The following ZNF804B variants were observed in gnomAD, a reference collection of about 807,000 sequenced individuals.
ZNF804B encodes the protein zinc finger 804B.
Under a neutral mutation model 101.4 loss-of-function variants are expected in ZNF804B, and 80 were observed. The observed-to-expected ratio is 0.79, with a 90% confidence interval of 0.66 to 0.95. The LOEUF (loss-of-function observed/expected upper bound fraction) is 0.95, where lower values mean the gene tolerates loss of function less well. Among genes scored for constraint, ZNF804B ranks in the 40% least tolerant of loss-of-function variants. The probability of loss-of-function intolerance (pLI) is 0.00; values close to 1 mark genes in which losing one functional copy is unlikely to be tolerated. For synonymous variants in ZNF804B, 622 were observed against 558.8 expected (o/e 1.11, Z -1.59); for missense variants, 1,673 against 1,561.9 (o/e 1.07, Z -1.20).
At chr7:89,002,902 T>C (rs1788309822) in intron 1 of ZNF804B, among the ~76,000 whole-genome samples, 1 of 151,994 alleles carries the variant, frequency 6.6e-6, no homozygotes, top group Non-Finnish European at 1.5e-5. Context: ...TTTGAGTCTA[T>C]TGTGATAGAG....
At chr7:88,996,488 G>C (rs1383501160) in intron 1 of ZNF804B, among the ~76,000 whole-genome samples, 2 of 151,954 alleles carry the variant, frequency 1.3e-5, no homozygotes, top group African/African-American at 4.8e-5. Context: ...ACAGATTTAT[G>C]GTTGTCTATC....
chr7:88,810,980 G>T (rs1317973756), intron 1 of ZNF804B, among the ~76,000 whole-genome samples: 1 of 151,646 alleles, frequency 6.6e-6, no homozygotes, highest in Non-Finnish European at 1.5e-5. Context: ...TTATGCCCAG[G>T]AGTTGCTTCT....
chr7:89,259,349 A>G (rs909718512), intron 2 of ZNF804B, among the ~76,000 whole-genome samples: 3 of 152,160 alleles, frequency 2.0e-5, no homozygotes, highest in African/African-American at 4.8e-5. Context: ...CACATCCACA[A>G]TCTCTTTTAT....
chr7:89,203,427 G>A (rs28483005), intron 1 of ZNF804B, among the ~76,000 whole-genome samples: 1,823 of 152,122 alleles, frequency 0.012, 39 homozygotes, highest in African/African-American at 0.039. Flanking sequence ...AGTTTATAGC[G>A]GCTCTTTTGG....
At chr7:88,931,511 C>T (rs1219911537) in intron 1 of ZNF804B, among the ~76,000 whole-genome samples, 3 of 151,860 alleles carry the variant, frequency 2.0e-5, no homozygotes, top group Admixed American at 2.0e-4. Context: ...TCTTTAAATA[C>T]TACATTAGTT....
At chr7:89,198,764 A>T (rs1051889473) in intron 1 of ZNF804B, among the ~76,000 whole-genome samples, 1 of 151,896 alleles carries the variant, frequency 6.6e-6, no homozygotes, top group Non-Finnish European at 1.5e-5. Flanking sequence ...AAGTACAGAA[A>T]AACAAAAAAC....
chr7:89,157,586 C>G (rs1278222315), intron 1 of ZNF804B, among the ~76,000 whole-genome samples: 1 of 152,124 alleles, frequency 6.6e-6, no homozygotes, highest in Non-Finnish European at 1.5e-5. Flanking sequence ...TCATTAAACA[C>G]AGTGGACTAA....
At chr7:89,180,934 CAAGT>C (rs1414825475) in intron 1 of ZNF804B, among the ~76,000 whole-genome samples, 4 of 150,498 alleles carry the variant, frequency 2.7e-5, no homozygotes, top group Non-Finnish European at 4.4e-5. Context: ...CAGGTTCTGA[CAAGT>C]GAGATGGGGA....
chr7:88,853,886 C>T (rs1413406029), intron 1 of ZNF804B, among the ~76,000 whole-genome samples: 13 of 151,978 alleles, frequency 8.6e-5, no homozygotes, highest in Admixed American at 8.5e-4. Flanking sequence ...TGCATAAGGA[C>T]TTAATAAATG....
At chr7:88,851,782 C>G (rs989779176) in intron 1 of ZNF804B, among the ~76,000 whole-genome samples, 1 of 151,850 alleles carries the variant, frequency 6.6e-6, no homozygotes, top group African/African-American at 2.4e-5. Flanking sequence ...AAAGCAACAG[C>G]AATAACAATG....
At chr7:89,112,465 T>A (rs1474780217) in intron 1 of ZNF804B, among the ~76,000 whole-genome samples, 1 of 152,212 alleles carries the variant, frequency 6.6e-6, no homozygotes, top group Non-Finnish European at 1.5e-5. Context: ...TCTATTTTGT[T>A]CAATTGATCT....
chr7:88,904,139 G>T (rs752460822), intron 1 of ZNF804B, among the ~76,000 whole-genome samples: 44 of 152,134 alleles, frequency 2.9e-4, no homozygotes, highest in Admixed American at 2.6e-4. Flanking sequence ...TGTGGTAAAA[G>T]ATAGGGCTCC....
At chr7:89,026,301 A>G (rs1297025996) in intron 1 of ZNF804B, among the ~76,000 whole-genome samples, 1 of 152,200 alleles carries the variant, frequency 6.6e-6, no homozygotes, top group African/African-American at 2.4e-5. Context: ...TTGCCCATGT[A>G]GGGGACAATA....
chr7:89,127,340 A>G (rs1478829181), intron 1 of ZNF804B, among the ~76,000 whole-genome samples: 4 of 151,818 alleles, frequency 2.6e-5, no homozygotes, highest in African/African-American at 9.7e-5. Flanking sequence ...TTCTTATAAC[A>G]TTGGAAGAGC....
chr7:88,947,825 A>G (rs1052897830), intron 1 of ZNF804B, among the ~76,000 whole-genome samples: 2 of 151,736 alleles, frequency 1.3e-5, no homozygotes, highest in African/African-American at 4.8e-5. Context: ...GGAGTACCCA[A>G]TCTACACTGT....
At chr7:88,956,123 T>G (rs1478940363) in intron 1 of ZNF804B, among the ~76,000 whole-genome samples, 1 of 151,576 alleles carries the variant, frequency 6.6e-6, no homozygotes, top group Non-Finnish European at 1.5e-5. Context: ...AGAACTCCTA[T>G]TCCCTGTTGG....
At position 89,160,530 on chromosome 7, in the gene ZNF804B, CT is replaced by C. The variant is rs762677091; in HGVS notation, c.109-57624del. Reference sequence around the variant, plus strand: ...TCACTAAACGAAATTAACATTTAAGCTGATTAGTAATCACTAAATAACACAG... The same window carrying C: ...TCACTAAACGAAATTAACATTTAAGCGATTAGTAATCACTAAATAACACAG... On this transcript the variant is annotated intron_variant, in intron 1 of 3. Coordinates refer to ENST00000333190, the MANE Select transcript of ZNF804B (RefSeq NM_181646.5). 6.4e-4 allele frequency among the ~76,000 whole-genome samples: 97 copies of C among 152,218 alleles called. No individual in the cohort carries two copies. The Middle Eastern group carries it at 0.01, about 16-fold the overall frequency.
At chr7:89,221,739 C>G (rs1789007617) in intron 2 of ZNF804B, among the ~76,000 whole-genome samples, 1 of 141,982 alleles carries the variant, frequency 7.0e-6, no homozygotes. Context: ...CTATTCTATT[C>G]TATTCTATTC....
intron 1 of ZNF804B, among the ~76,000 whole-genome samples, chr7:89,016,672 G>A (rs1426489112): frequency 6.6e-6 from 1 of 151,842 alleles, no homozygotes; most frequent in African/African-American, 2.4e-5. Flanking sequence ...ATTTCTGAGG[G>A]CTCTGTTCTG....
Sources: allele counts gnomAD v4.1 joint callset (sites outside exome capture counted in the v4.1 genomes callset), GRCh38; gene constraint gnomAD v4.1.1; transcripts MANE v1.5; gene names NCBI Gene and HGNC (gene_info 2026-07-23, HGNC 2026-07-21).